Variants in BMP1 observed in about 807,000 individuals in gnomAD.
BMP1 encodes the protein bone morphogenetic protein 1, also known as mammalian tolloid protein.
BMP1 carries 63 observed loss-of-function variants against 116.8 expected under a neutral mutation model. The ratio of observed to expected loss-of-function variants is 0.54; its 90% confidence interval spans 0.44 to 0.67. BMP1 has a LOEUF of 0.67. BMP1 is among the 30% of genes least tolerant of loss of function. The pLI is 0.00. For synonymous variants in BMP1, 536 were observed against 533.4 expected, an observed-to-expected ratio of 1.00 and a Z score of -0.07; for missense variants, 1,183 against 1,358.9, an observed-to-expected ratio of 0.87 and a Z score of 2.04.
intron 1 of BMP1, chr8:22,171,639 A>G (rs1441902712): frequency 1.3e-5 from 2 of 152,092 alleles, no homozygotes; most frequent in East Asian, 1.9e-4. Context: ...GGGGTTCTAG[A>G]GAGTGCAGTG....
rs145009422 is a variant in BMP1 at position 22,209,714 on chromosome 8, G to A, written c.2826+19G>A. The A allele has an allele frequency of 8.4e-6, 13 of 1,544,066 alleles. No individual in the cohort carries two copies. The African/African-American group carries it at 1.3e-4, about 15-fold the overall frequency. On this transcript the variant is annotated intron_variant, in intron 19 of 19. Coordinates refer to ENST00000306385, the MANE Select transcript of BMP1 (RefSeq NM_006129.5). ...CTCAGGGGTGAGGCCCCCACCCCTC[G>A]CCCTCCTGGCCCCATGCCCCACGCC... is the stretch of plus-strand genomic sequence containing the variant.
chr8:22,200,770 C>T (rs537458847), intron 15 of BMP1, among the ~76,000 whole-genome samples: 1 of 152,154 alleles, frequency 6.6e-6, no homozygotes, highest in Non-Finnish European at 1.5e-5. Flanking sequence ...TCTCCCCAGC[C>T]CTTCCCAAGT....
chr8:22,176,973 C>A lies in BMP1; in HGVS notation c.564C>A (p.Tyr188Ter). The A allele has an allele frequency of 6.2e-7, 1 of 1,610,958 alleles. No homozygotes were observed. Among genetic ancestry groups the A allele is most frequent in the African/African-American group, 1.3e-5 (1 of 75,002 alleles). ...FTYRPCGCCS[Y>*]VGRRGGGPQA... The stretch of plus-strand genomic sequence containing the variant: ...CCCCGCCCTCCAGGTGCTGCTCCTA[C>A]GTGGGTCGCCGCGGCGGGGGCCCCC... Residue 188 changes from tyrosine (Y) to a stop codon, truncating the protein, a stop_gained, in exon 5 of 20, where the codon TAC (tyrosine) becomes TAA (stop). Coordinates refer to ENST00000306385, the MANE Select transcript of BMP1 (RefSeq NM_006129.5). LOFTEE classifies it high-confidence loss of function.
rs772918033 is a variant in BMP1 at position 22,199,004 on chromosome 8, G to T, written c.2107+1584G>T. The T allele has an allele frequency of 5.2e-5, 69 of 1,315,760 alleles. 1 individual carries two copies. The Middle Eastern group carries it at 2.5e-3, about 47-fold the overall frequency. The allele number at this position is 1,315,760 out of a possible 1,614,324, so 81.5% of individuals were successfully genotyped here. A position where few individuals can be genotyped will look rare whatever the true frequency, so the allele number is the denominator to read the frequency against. On this transcript the variant is annotated intron_variant, in intron 15 of 19. Transcript: ENST00000306385. ...TACCTGCTTACTCTCGTCTCTTCCT[G>T]CCCTTCTGTTGCTCCAGTCTTGGAG...
intron 3 of BMP1, 27 bp downstream of exon 3, chr8:22,176,340 G>A (rs755912732): frequency 1.1e-5 from 17 of 1,574,090 alleles, no homozygotes; most frequent in Non-Finnish European, 1.5e-5. Flanking sequence ...GGGTCCCAGA[G>A]TGTAACCAGC....
chr8:22,182,350 T>G (rs2131858794), intron 8 of BMP1, among the ~76,000 whole-genome samples: 1 of 152,294 alleles, frequency 6.6e-6, no homozygotes, highest in East Asian at 1.9e-4. Context: ...GAACCAAGAT[T>G]TCCCTCCAAA....
intron 8 of BMP1, among the ~76,000 whole-genome samples, chr8:22,185,179 C>T (rs554457815): frequency 5.3e-5 from 8 of 152,198 alleles, no homozygotes; most frequent in East Asian, 3.9e-4. Flanking sequence ...CAGCCGGGTG[C>T]GGTGACTCAT....
At position 22,194,670 on chromosome 8, in the gene BMP1, G is replaced by A; in HGVS notation, c.1444-54G>A. 1.9e-6 allele frequency: 3 copies of A among 1,595,636 alleles called. No individual in the cohort carries two copies. Among genetic ancestry groups the A allele is most frequent in the Non-Finnish European group, 2.6e-6 (3 of 1,169,216 alleles). On this transcript the variant is annotated intron_variant, in intron 11 of 19. Transcript: ENST00000306385. This position sits in a 1 kb window ranked among gnomAD's most constrained non-coding sequence, Gnocchi z 4.5. ...CAGCTGCCTCTCTTTGGGCTCCCAG[G>A]GGTGGGTCTCTGGCAGCCAGAGCCC...
chr8:22,211,834 CCAGGACCTG>C lies in BMP1; in HGVS notation c.*111_*119del. ...ACGCACCATCCCTCTCCCCCAGGCC[CCAGGACCTG>C]CAGGGCCAATGGCCTGGTGAGACTG... On this transcript the variant is annotated 3_prime_UTR_variant, in exon 20 of 20. Coordinates refer to ENST00000306385, the MANE Select transcript of BMP1 (RefSeq NM_006129.5). The C allele has an allele frequency of 6.4e-7, 1 of 1,554,162 alleles. No individual in the cohort carries two copies. Among genetic ancestry groups the C allele is most frequent in the South Asian group, 1.1e-5 (1 of 87,288 alleles).
chr8:22,192,214 A>T (rs1352664660), intron 9 of BMP1, 63 bp downstream of exon 9: 1 of 1,426,256 alleles, frequency 7.0e-7, no homozygotes, highest in Non-Finnish European at 9.8e-7. Context: ...CACCCTCATC[A>T]CACTCTTCAT....
At position 22,192,018 on chromosome 8, in the gene BMP1, G is replaced by A. The variant is rs756685154; in HGVS notation, c.1078-31G>A. ...GAGGGCTGGTGCAATGTTCGGGACA[G>A]CTTAACCCTCTTCCTCCCCTGTTGC... On this transcript the variant is annotated intron_variant, in intron 8 of 19. Transcript: ENST00000306385. The A allele has an allele frequency of 4.4e-6, 7 of 1,579,024 alleles. No homozygotes were observed. In the South Asian group the frequency reaches 6.6e-5, roughly 15 times the overall value.
chr8:22,188,546 T>A (rs1423358770), intron 8 of BMP1, among the ~76,000 whole-genome samples: 1 of 152,146 alleles, frequency 6.6e-6, no homozygotes, highest in Admixed American at 6.5e-5. Flanking sequence ...CCGGAAGCGG[T>A]GGGGCAGGCC....
Position 22,194,616 on chromosome 8 carries a change from C to T in BMP1, c.1443+26C>T. 1.9e-6 allele frequency: 3 copies of T among 1,611,448 alleles called. No individual in the cohort carries two copies. Among genetic ancestry groups the T allele is most frequent in the Admixed American group, 1.7e-5 (1 of 59,914 alleles). ...GTAGGTCAGTGGCCCTGTGATCTGA[C>T]CTTTGAATCCAGCAGTTGCTCCCTG... On this transcript the variant is annotated intron_variant, in intron 11 of 19. Coordinates refer to ENST00000306385, the MANE Select transcript of BMP1 (RefSeq NM_006129.5). The surrounding 1 kb of genome is among the most constrained non-coding windows in gnomAD (Gnocchi z 4.5).
Position 22,212,028 on chromosome 8 carries a change from CAG to C in BMP1, c.*301_*302del. On this transcript the variant is annotated 3_prime_UTR_variant, in exon 20 of 20. Coordinates refer to ENST00000306385, the MANE Select transcript of BMP1 (RefSeq NM_006129.5). ...GCCTGGTGGCAAGAGGGAATGTCAGCAGGACCCCATCGCCATCCCTGTGTCTC... is the reference window on the plus strand; with the variant it reads ...GCCTGGTGGCAAGAGGGAATGTCAGCGACCCCATCGCCATCCCTGTGTCTC... 8.9e-6 allele frequency: 4 copies of C among 447,614 alleles called. No homozygotes were observed. Among genetic ancestry groups the C allele is most frequent in the Admixed American group, 3.4e-5 (1 of 29,610 alleles). 27.7% of individuals were successfully genotyped at this position (447,614 alleles called of 1,614,324 possible).
At chr8:22,193,022 C>G (rs1223457594) in intron 9 of BMP1, among the ~76,000 whole-genome samples, 4 of 152,210 alleles carry the variant, frequency 2.6e-5, no homozygotes, top group Admixed American at 2.0e-4. Context: ...CTCTCGTAGA[C>G]GTGTTAGTGT....
chr8:22,201,009 C>CCCCCCCAA, intron 15 of BMP1: 1 of 486,862 alleles, frequency 2.1e-6, no homozygotes, highest in Non-Finnish European at 3.6e-6. Flanking sequence ...CCCTGCCCCT[C>CCCCCCCAA]AGATCCACCT....
At chr8:22,198,840 C>A (rs538097052) in intron 15 of BMP1, 25 of 771,820 alleles carry the variant, frequency 3.2e-5, no homozygotes, top group South Asian at 2.9e-4. Flanking sequence ...CTGCCCCCAA[C>A]CCCCGCTTGC....
Position 22,177,147 on chromosome 8 carries a change from C to A in BMP1, c.730+8C>A. 1 of 1,592,878 alleles carries A rather than the reference C, an allele frequency of 6.3e-7. No individual in the cohort carries two copies. The highest frequency in any genetic ancestry group is 8.6e-7 in the Non-Finnish European group (1 of 1,166,806). On this transcript the variant is annotated splice_region_variant and intron_variant, in intron 5 of 19. Transcript: ENST00000306385. ...GTGAGAACATCCAGCCAGGTAGGTA[C>A]CTGCCCCTCGGTGCGGCCTTGGTGG...
chr8:22,184,083 A>G (rs1828700505), intron 8 of BMP1, among the ~76,000 whole-genome samples: 1 of 152,198 alleles, frequency 6.6e-6, no homozygotes, highest in Admixed American at 6.5e-5. Flanking sequence ...CATTTCAACA[A>G]TTACTTTAGT....
Sources: allele counts gnomAD v4.1 joint callset (sites outside exome capture counted in the v4.1 genomes callset), GRCh38; gene constraint gnomAD v4.1.1; non-coding constraint Gnocchi (gnomAD v3.1); transcripts MANE v1.5; gene names NCBI Gene and HGNC (gene_info 2026-07-23, HGNC 2026-07-21).